Variants in QRFPR observed in about 807,000 individuals in gnomAD.
QRFPR encodes the protein pyroglutamylated RF-amide peptide receptor.
A neutral mutation model predicts 31.3 loss-of-function variants in QRFPR; 37 were observed. The observed-to-expected ratio is 1.18, with a 90% CI of 0.91 to 1.56. The LOEUF is 1.56. Among genes scored for constraint, QRFPR ranks in the 40% most tolerant of loss-of-function variants. QRFPR has a pLI of 0.00. For synonymous variants in QRFPR, 197 were observed against 192.0 expected (o/e 1.03, Z -0.22); for missense variants, 542 against 532.5 (o/e 1.02, Z -0.18).
intron 1 of QRFPR, among the ~76,000 whole-genome samples, chr4:121,378,616 G>A (rs957828091): frequency 2.0e-5 from 3 of 151,864 alleles, no homozygotes; most frequent in Non-Finnish European, 2.9e-5. Flanking sequence ...GTAGAGACGG[G>A]GTTTCACCGT....
intron 1 of QRFPR, among the ~76,000 whole-genome samples, chr4:121,365,620 ATTATATATT>A (rs1726112976): frequency 2.2e-4 from 2 of 9,140 alleles, no homozygotes; most frequent in African/African-American, 5.1e-4. Flanking sequence ...TATTATATAT[ATTATATATT>A]ATATATATAT....
At chr4:121,337,240 G>A (rs563434744) in intron 2 of QRFPR, among the ~76,000 whole-genome samples, 7 of 152,152 alleles carry the variant, frequency 4.6e-5, no homozygotes, top group Non-Finnish European at 8.8e-5. Context: ...TTCAGTTTCC[G>A]TATCCCAGAA....
chr4:121,378,551 CTA>C (rs1726403376), intron 1 of QRFPR, among the ~76,000 whole-genome samples: 1 of 151,748 alleles, frequency 6.6e-6, no homozygotes, highest in African/African-American at 2.4e-5. Context: ...GCAGCTGGGA[CTA>C]TAGGTGCGTG....
In QRFPR at chr4:121,380,442, A is replaced by T. The variant is rs34270076; in HGVS notation, c.206T>A (p.Val69Glu). 1 of 1,614,216 alleles carries T rather than the reference A, an allele frequency of 6.2e-7. No individual in the cohort carries two copies. Among genetic ancestry groups the T allele is most frequent in the East Asian group, 2.2e-5 (1 of 44,870 alleles). The change falls in exon 1 of 6, where the codon GTG becomes GAG. Residue 69 changes from valine (V) to glutamate (E), a missense_variant. By Grantham distance (121) the Val-to-Glu change is moderately radical. Transcript: ENST00000394427. ...GCGCATGGCCTTGCTGCGGGTCACC[A>T]CGTAGAACACCAGAGCATTGCCAAA... ...ALFGNALVFY[V>E]VTRSKAMRTV... is the part of the protein sequence containing the mutation.
At chr4:121,355,312 C>G (rs1157934544) in intron 1 of QRFPR, among the ~76,000 whole-genome samples, 1 of 152,016 alleles carries the variant, frequency 6.6e-6, no homozygotes, top group East Asian at 1.9e-4. Context: ...TTATAGGTGT[C>G]TAGGAATTTA....
At chr4:121,336,986 T>A in intron 2 of QRFPR, 118 bp from the exon 3 acceptor site, 1 of 867,126 alleles carries the variant, frequency 1.2e-6, no homozygotes, top group Non-Finnish European at 1.9e-6. Flanking sequence ...CCTAGGGCAG[T>A]GCCATGGTCT....
intron 1 of QRFPR, among the ~76,000 whole-genome samples, chr4:121,349,874 T>C (rs753413005): frequency 7.2e-5 from 11 of 152,190 alleles, no homozygotes; most frequent in Non-Finnish European, 1.3e-4. Flanking sequence ...AATATTTTTC[T>C]CCAATAAGGC....
At chr4:121,370,803 G>T (rs1469443551) in intron 1 of QRFPR, among the ~76,000 whole-genome samples, 2 of 152,156 alleles carry the variant, frequency 1.3e-5, no homozygotes, top group Non-Finnish European at 2.9e-5. Flanking sequence ...GCTTCATAGA[G>T]AAATCAAATG....
chr4:121,329,687 ACAT>A lies in QRFPR; in HGVS notation c.920_922del (p.Asp307del). ...GATAGCAAAAATCATCTTGATTGTG[ACAT>A]CATCATATTCCTTTTCAAAATTACC... On this transcript the variant is annotated inframe_deletion, in exon 6 of 6. Coordinates refer to ENST00000394427, the MANE Select transcript of QRFPR (RefSeq NM_198179.3). The A allele has an allele frequency of 1.3e-6, 2 of 1,561,806 alleles. No homozygotes were observed. The highest frequency in any genetic ancestry group is 1.7e-6 in the Non-Finnish European group (2 of 1,153,628).
At chr4:121,359,761 G>A (rs1560741397) in intron 1 of QRFPR, among the ~76,000 whole-genome samples, 1 of 147,814 alleles carries the variant, frequency 6.8e-6, no homozygotes, top group African/African-American at 2.5e-5. Context: ...ATATGGGAGT[G>A]TATATATATA....
chr4:121,372,006 G>T (rs1328441386), intron 1 of QRFPR, among the ~76,000 whole-genome samples: 4 of 152,208 alleles, frequency 2.6e-5, no homozygotes, highest in Admixed American at 1.3e-4. Flanking sequence ...TTGCCCTGCT[G>T]GGGAGGAGCA....
At chr4:121,369,348 C>A (rs112119586) in intron 1 of QRFPR, 3 of 640,030 alleles carry the variant, frequency 4.7e-6, no homozygotes, top group Non-Finnish European at 8.3e-6. Flanking sequence ...TTTAAATATA[C>A]CTTTCCTATG....
At chr4:121,332,117 T>A (rs1272145675) in intron 4 of QRFPR, among the ~76,000 whole-genome samples, 1 of 152,186 alleles carries the variant, frequency 6.6e-6, no homozygotes, top group East Asian at 1.9e-4. Context: ...CACTGCACAC[T>A]TGGAGAGATG....
At chr4:121,356,880 C>T (rs2110477271) in intron 1 of QRFPR, among the ~76,000 whole-genome samples, 1 of 152,166 alleles carries the variant, frequency 6.6e-6, no homozygotes, top group East Asian at 1.9e-4. Flanking sequence ...GGGTCTTGTC[C>T]AGGGTCTCTG....
intron 1 of QRFPR, among the ~76,000 whole-genome samples, chr4:121,379,104 C>CA (rs1726418243): frequency 6.6e-6 from 1 of 152,186 alleles, no homozygotes; most frequent in African/African-American, 2.4e-5. Context: ...ATCCATAAAT[C>CA]AAGGTCTTAC....
At chr4:121,333,893 T>C (rs567737811) in intron 3 of QRFPR, among the ~76,000 whole-genome samples, 52 of 152,214 alleles carry the variant, frequency 3.4e-4, no homozygotes, top group Non-Finnish European at 6.9e-4. Context: ...GTCTCAGACA[T>C]ATTTCTGCCT....
chr4:121,375,042 G>A (rs1219961901), intron 1 of QRFPR, among the ~76,000 whole-genome samples: 1 of 152,046 alleles, frequency 6.6e-6, no homozygotes, highest in African/African-American at 2.4e-5. Context: ...CAGGATCCTA[G>A]CAAGGCCACT....
In QRFPR at chr4:121,329,311, T is replaced by C. The variant is rs772335226; in HGVS notation, c.*3A>G. The C allele has an allele frequency of 2.5e-6, 4 of 1,590,654 alleles. No homozygotes were observed. The Admixed American group carries it at 7.1e-5, about 28-fold the overall frequency. On this transcript the variant is annotated 3_prime_UTR_variant, in exon 6 of 6. Coordinates refer to ENST00000394427, the MANE Select transcript of QRFPR (RefSeq NM_198179.3). ...GGCATTAATTATGAAGATATTGTTA[T>C]AATTAATGCCCACTGTCTAAAGGAG... is the stretch of plus-strand genomic sequence containing the variant.
intron 1 of QRFPR, among the ~76,000 whole-genome samples, chr4:121,371,294 G>A (rs767055837): frequency 1.8e-4 from 27 of 152,092 alleles, no homozygotes; most frequent in Admixed American, 5.2e-4. Flanking sequence ...TAATTACTTC[G>A]GAATTCATCC....
Sources: allele counts gnomAD v4.1 joint callset (sites outside exome capture counted in the v4.1 genomes callset), GRCh38; gene constraint gnomAD v4.1.1; transcripts MANE v1.5; gene names NCBI Gene and HGNC (gene_info 2026-07-23, HGNC 2026-07-21).